CLASP1: variants seen among roughly 807,000 people sequenced by gnomAD.
CLASP1 encodes CLIP-associating protein 1.
CLASP1 carries 38 observed loss-of-function variants against 192.3 expected under a neutral mutation model. The ratio of observed to expected loss-of-function variants is 0.20; its 90% CI spans 0.15 to 0.26. CLASP1 has a LOEUF of 0.26. Among genes scored for constraint, CLASP1 ranks in the 10% least tolerant of loss-of-function variants. CLASP1 has a pLI of 1.00. For synonymous variants in CLASP1, 691 were observed against 712.8 expected, an observed-to-expected ratio of 0.97 and a Z score of 0.49; for missense variants, 1,433 against 1,932.5, an observed-to-expected ratio of 0.74 and a Z score of 4.85.
At chr2:121,492,914 AGAAACAATCCAACTG>A (rs2093382448) in intron 8 of CLASP1, among the ~76,000 whole-genome samples, 1 of 152,220 alleles carries the variant, frequency 6.6e-6, no homozygotes, top group Non-Finnish European at 1.5e-5. Flanking sequence ...AGACAAAGGT[AGAAACAATCCAACTG>A]TCCATCAATA....
chr2:121,478,889 A>ACCC (rs1559368998), intron 8 of CLASP1, among the ~76,000 whole-genome samples: 1 of 11,310 alleles, frequency 8.8e-5, no homozygotes, highest in South Asian at 4.4e-3. Context: ...CACACACACC[A>ACCC]CACACACACA....
At chr2:121,589,409 C>T (rs545680097) in intron 2 of CLASP1, among the ~76,000 whole-genome samples, 3 of 152,224 alleles carry the variant, frequency 2.0e-5, no homozygotes, top group South Asian at 4.1e-4. Context: ...GCGGGCAGAC[C>T]ACCTAAGGTC....
At chr2:121,389,767 AATT>A (rs2074019356) in intron 30 of CLASP1, among the ~76,000 whole-genome samples, 1 of 152,212 alleles carries the variant, frequency 6.6e-6, no homozygotes, top group Non-Finnish European at 1.5e-5. Context: ...TCATGATGCA[AATT>A]ATTAACTTAG....
At chr2:121,626,609 G>A (rs1402974056) in intron 1 of CLASP1, among the ~76,000 whole-genome samples, 1 of 152,002 alleles carries the variant, frequency 6.6e-6, no homozygotes, top group South Asian at 2.1e-4. Flanking sequence ...TTGTTTTAGA[G>A]AGATGGGGTC....
intron 2 of CLASP1, among the ~76,000 whole-genome samples, chr2:121,568,377 G>C (rs1020591410): frequency 1.3e-5 from 2 of 152,040 alleles, no homozygotes; most frequent in African/African-American, 4.8e-5. Context: ...CACTGGGGCA[G>C]TCTAATCAGA....
intron 22 of CLASP1, among the ~76,000 whole-genome samples, chr2:121,424,106 T>C (rs2079990461): frequency 1.3e-5 from 2 of 152,188 alleles, no homozygotes; most frequent in African/African-American, 2.4e-5. Context: ...GAATCTACTC[T>C]GGGCAGCCTC....
chr2:121,353,211 GA>G (rs2149166029), intron 37 of CLASP1, among the ~76,000 whole-genome samples: 1 of 152,290 alleles, frequency 6.6e-6, no homozygotes, highest in Non-Finnish European at 1.5e-5. Flanking sequence ...AATGACACCA[GA>G]GTGGAGCTCA....
intron 2 of CLASP1, among the ~76,000 whole-genome samples, chr2:121,587,428 T>C (rs1374512370): frequency 6.6e-6 from 1 of 152,110 alleles, no homozygotes; most frequent in Non-Finnish European, 1.5e-5. Flanking sequence ...CTTAATTTCC[T>C]TAACACCTCA....
intron 2 of CLASP1, among the ~76,000 whole-genome samples, chr2:121,598,744 A>G (rs2105840619): frequency 6.6e-6 from 1 of 152,378 alleles, no homozygotes; most frequent in East Asian, 1.9e-4. Context: ...CATACCTGAA[A>G]CTAAGTAAGG....
At chr2:121,368,081 C>T (rs1197501869) in intron 34 of CLASP1, among the ~76,000 whole-genome samples, 1 of 152,132 alleles carries the variant, frequency 6.6e-6, no homozygotes, top group Non-Finnish European at 1.5e-5. Context: ...ATTTGATGAT[C>T]CACTTTACCA....
chr2:121,387,848 A>G, exon 31 of CLASP1: 1 of 1,612,674 alleles, frequency 6.2e-7, no homozygotes, highest in East Asian at 2.2e-5. Context: ...GGCACCAAGT[A>G]ACATGGTAAA....
chr2:121,602,174 CA>C lies in CLASP1; in HGVS notation c.195+3526del, dbSNP rs71398035. Among the ~76,000 whole-genome samples, 625 of 131,174 alleles carry C rather than the reference CA, an allele frequency of 4.8e-3. 1 individual carries two copies. The highest frequency in any genetic ancestry group is 7.2e-3 in the Non-Finnish European group (430 of 59,960). 86.1% of individuals were successfully genotyped at this position (131,174 alleles called of 152,430 possible). A position where few individuals can be genotyped will look rare whatever the true frequency, so the allele number is the denominator to read the frequency against. ...TGGGCAAAAGAGCAACACTCCATCT[CA>C]AAAAAAAAAAAAGAAGAAGAAGAAA... On this transcript the variant is annotated intron_variant, in intron 2 of 39. Transcript: ENST00000263710.
At chr2:121,460,841 A>C (rs138898021) in intron 11 of CLASP1, among the ~76,000 whole-genome samples, 5 of 152,318 alleles carry the variant, frequency 3.3e-5, no homozygotes, top group African/African-American at 1.2e-4. Flanking sequence ...CTAAGGTGAG[A>C]GTGGAGACTA....
At chr2:121,338,596 T>G (rs1446510270) in exon 40 of CLASP1, 3 of 152,164 alleles carry the variant, frequency 2.0e-5, no homozygotes, top group African/African-American at 7.2e-5. Flanking sequence ...GCCCTCCCAG[T>G]GAGGTGGTGG....
intron 8 of CLASP1, among the ~76,000 whole-genome samples, chr2:121,477,357 C>T (rs1391975397): frequency 1.3e-5 from 2 of 152,174 alleles, no homozygotes; most frequent in East Asian, 3.8e-4. Context: ...TCAAACAAGG[C>T]TATGAAAATA....
chr2:121,502,498 G>A (rs1472916068), intron 8 of CLASP1, among the ~76,000 whole-genome samples: 3 of 152,200 alleles, frequency 2.0e-5, no homozygotes, highest in African/African-American at 4.8e-5. Context: ...TACCCACAGG[G>A]CAAATACTTC....
chr2:121,533,411 C>T (rs1374880646), intron 2 of CLASP1, among the ~76,000 whole-genome samples: 1 of 152,184 alleles, frequency 6.6e-6, no homozygotes, highest in East Asian at 1.9e-4. Flanking sequence ...GCCTAACCTC[C>T]TCATCTGTAA....
intron 17 of CLASP1, among the ~76,000 whole-genome samples, 159 bp from the exon 18 acceptor site, chr2:121,448,484 A>G (rs2149783447): frequency 6.6e-6 from 1 of 152,382 alleles, no homozygotes; most frequent in African/African-American, 2.4e-5. Context: ...CTGATTCCCA[A>G]CGAAGCTTTA....
intron 38 of CLASP1, among the ~76,000 whole-genome samples, chr2:121,347,910 C>CTTGA (rs1471135297): frequency 6.6e-6 from 1 of 152,132 alleles, no homozygotes; most frequent in Admixed American, 6.5e-5. Flanking sequence ...CAAGGGCCAA[C>CTTGA]TTGAAACCAC....
Sources: gnomAD v4.1 joint callset for allele counts (sites outside exome capture counted in the v4.1 genomes callset) on GRCh38, gnomAD v4.1.1 for gene constraint, MANE v1.5 for transcripts, NCBI Gene and HGNC (gene_info 2026-07-23, HGNC 2026-07-21) for gene names.